The following EMCN variants were observed in gnomAD, a reference collection of about 807,000 sequenced individuals.
EMCN encodes endomucin, also known as MUC-14.
EMCN carries 37 observed loss-of-function variants against 38.4 expected under a neutral mutation model. The ratio of observed to expected loss-of-function variants is 0.96; its 90% CI spans 0.74 to 1.27. The LOEUF is 1.27. Among genes scored for constraint, EMCN ranks in the 50% most tolerant of loss-of-function variants. The pLI is 0.00. For missense variants in EMCN, 318 were observed against 302.8 expected (o/e 1.05, Z -0.37); for synonymous variants, 95 against 100.8 (o/e 0.94, Z 0.35).
At chr4:100,446,727 C>T (rs939554293) in intron 5 of EMCN, among the ~76,000 whole-genome samples, 30 of 152,036 alleles carry the variant, frequency 2.0e-4, no homozygotes, top group African/African-American at 7.2e-4. Context: ...TCTTAATGCT[C>T]CTCTCCCTCC....
intron 5 of EMCN, among the ~76,000 whole-genome samples, chr4:100,444,607 G>T (rs541316713): frequency 6.6e-6 from 1 of 152,134 alleles, no homozygotes; most frequent in African/African-American, 2.4e-5. Flanking sequence ...GAGTGGAGTA[G>T]CTCCACGGAA....
intron 1 of EMCN, among the ~76,000 whole-genome samples, chr4:100,504,336 A>C (rs1198016900): frequency 6.6e-6 from 1 of 152,212 alleles, no homozygotes; most frequent in Non-Finnish European, 1.5e-5. Flanking sequence ...GTTGTTAACC[A>C]TGTTGAGAAT....
intron 1 of EMCN, among the ~76,000 whole-genome samples, chr4:100,509,427 C>A (rs1729566793): frequency 6.6e-6 from 1 of 151,864 alleles, no homozygotes; most frequent in Non-Finnish European, 1.5e-5. Flanking sequence ...AAGGTGAGTC[C>A]CACTTTTAAA....
At position 100,505,701 on chromosome 4, in the gene EMCN, C is replaced by T. The variant is rs146448306; in HGVS notation, c.64+12150G>A. Among the ~76,000 whole-genome samples, 535 of 152,222 alleles carry T rather than the reference C, an allele frequency of 3.5e-3. 4 individuals carry two copies. The highest frequency in any genetic ancestry group is 0.034 in the Middle Eastern group (10 of 294). ...GTGAGCACAGCTTACGGCGCCACAT[C>T]AAGTAATGTCTTTCATTCATCCTCT... On this transcript the variant is annotated intron_variant, in intron 1 of 11. Coordinates refer to ENST00000296420, the MANE Select transcript of EMCN (RefSeq NM_016242.4).
chr4:100,481,562 AC>A (rs1728806439), intron 1 of EMCN, among the ~76,000 whole-genome samples: 1 of 151,972 alleles, frequency 6.6e-6, no homozygotes, highest in Non-Finnish European at 1.5e-5. Context: ...CCTTGGTCTT[AC>A]CTCCCTACCC....
At chr4:100,451,781 ACTT>A (rs1233898535) in intron 4 of EMCN, among the ~76,000 whole-genome samples, 2 of 151,988 alleles carry the variant, frequency 1.3e-5, no homozygotes, top group Non-Finnish European at 2.9e-5. Flanking sequence ...ATATATACTT[ACTT>A]TGCCTGGCTT....
At chr4:100,469,869 G>T (rs1728426602) in intron 3 of EMCN, among the ~76,000 whole-genome samples, 1 of 151,858 alleles carries the variant, frequency 6.6e-6, no homozygotes, top group Non-Finnish European at 1.5e-5. Flanking sequence ...GGATTTCTTT[G>T]GCTATTTGGG....
chr4:100,444,986 C>T (rs1301472304), intron 5 of EMCN, among the ~76,000 whole-genome samples: 3 of 152,102 alleles, frequency 2.0e-5, no homozygotes, highest in South Asian at 2.1e-4. Flanking sequence ...CTCTTGCTTA[C>T]CTTTTTCCTG....
chr4:100,395,526 GT>G lies in EMCN; in HGVS notation c.*2886del, dbSNP rs1163261185. ...CTTTAACATTAGGCAATAATTGACA[GT>G]TTTATAGTGGTGAGACTATCATCAC... On this transcript the variant is annotated 3_prime_UTR_variant, in exon 12 of 12. Coordinates refer to ENST00000296420, the MANE Select transcript of EMCN (RefSeq NM_016242.4). 2 of 152,098 alleles carry G rather than the reference GT, an allele frequency of 1.3e-5. No individual in the cohort carries two copies. Among genetic ancestry groups the G allele is most frequent in the Admixed American group, 1.3e-4 (2 of 15,252 alleles). 9.4% of individuals were successfully genotyped at this position (152,098 alleles called of 1,614,324 possible). A position where few individuals can be genotyped will look rare whatever the true frequency, so the allele number is the denominator to read the frequency against.
intron 5 of EMCN, among the ~76,000 whole-genome samples, chr4:100,430,604 A>G (rs761186763): frequency 4.6e-5 from 7 of 152,148 alleles, no homozygotes; most frequent in Non-Finnish European, 1.0e-4. Flanking sequence ...GTTGCTTCCT[A>G]AAGTGATTGC....
At chr4:100,456,089 CA>C (rs1728009581) in intron 4 of EMCN, among the ~76,000 whole-genome samples, 1 of 152,146 alleles carries the variant, frequency 6.6e-6, no homozygotes, top group Admixed American at 6.5e-5. Context: ...GGGGAGACAC[CA>C]CACCTGGCCC....
chr4:100,492,934 C>T (rs1729123271), intron 1 of EMCN, among the ~76,000 whole-genome samples: 1 of 152,106 alleles, frequency 6.6e-6, no homozygotes, highest in Non-Finnish European at 1.5e-5. Flanking sequence ...CCTTTTTAGC[C>T]TCAGTTTATA....
intron 11 of EMCN, among the ~76,000 whole-genome samples, chr4:100,408,932 C>CTGCAGCATGCTGGAGG (rs1418287152): frequency 6.6e-6 from 1 of 152,172 alleles, no homozygotes; most frequent in Non-Finnish European, 1.5e-5. Flanking sequence ...TGGAGGTGCA[C>CTGCAGCATGCTGGAGG]AAATTCCAAG....
intron 4 of EMCN, among the ~76,000 whole-genome samples, chr4:100,464,919 C>T (rs1435662388): frequency 6.6e-6 from 1 of 152,016 alleles, no homozygotes; most frequent in African/African-American, 2.4e-5. Context: ...CCCTCCTTTA[C>T]TTTCTAAAAG....
chr4:100,480,133 T>G, intron 1 of EMCN, 94 bp from the exon 2 acceptor site: 1 of 1,098,830 alleles, frequency 9.1e-7, no homozygotes, highest in African/African-American at 1.7e-5. Flanking sequence ...CAGTAGAATG[T>G]GAATTTGCAA....
chr4:100,508,302 T>C (rs1207274265), intron 1 of EMCN, among the ~76,000 whole-genome samples: 1 of 152,210 alleles, frequency 6.6e-6, no homozygotes, highest in Non-Finnish European at 1.5e-5. Context: ...CACTTCAGTA[T>C]GCTGGCTTGT....
At chr4:100,465,617 C>A (rs531300077) in intron 3 of EMCN, 78 bp from the exon 4 acceptor site, 99 of 718,122 alleles carry the variant, frequency 1.4e-4, no homozygotes, top group Admixed American at 2.5e-4. Flanking sequence ...TAATATCCAA[C>A]TAAAACTTGA....
At chr4:100,402,099 A>T (rs560530751) in intron 11 of EMCN, among the ~76,000 whole-genome samples, 1 of 152,268 alleles carries the variant, frequency 6.6e-6, no homozygotes, top group East Asian at 1.9e-4. Context: ...ATCATTAAAC[A>T]TTTAAGCTGC....
Position 100,467,153 on chromosome 4 carries a change from A to T in EMCN, c.260-1614T>A, listed in dbSNP as rs1474254501. Among the ~76,000 whole-genome samples, 5 of 152,312 alleles carry T rather than the reference A, an allele frequency of 3.3e-5. No individual in the cohort carries two copies. In the East Asian group the frequency reaches 5.8e-4, roughly 18 times the overall value. On this transcript the variant is annotated intron_variant, in intron 3 of 11. Transcript: ENST00000296420. ...TTCACAAATGAGAATTAGAGCCTAC[A>T]CTCAATGTAGGACAGGTTGTCAATT...
Sources: allele counts gnomAD v4.1 joint callset (sites outside exome capture counted in the v4.1 genomes callset), GRCh38; gene constraint gnomAD v4.1.1; transcripts MANE v1.5; gene names NCBI Gene and HGNC (gene_info 2026-07-23, HGNC 2026-07-21).